Variants in NRG3 observed in about 807,000 individuals in gnomAD.
NRG3 encodes the protein pro-neuregulin-3, membrane-bound isoform.
Under a neutral mutation model 66.9 loss-of-function variants are expected in NRG3, and 31 were observed. The ratio of observed to expected loss-of-function variants is 0.46; its 90% CI spans 0.35 to 0.63. The LOEUF (loss-of-function observed/expected upper bound fraction) is 0.63, where lower values mean the gene tolerates loss of function less well. Among genes scored for constraint, NRG3 ranks in the 20% least tolerant of loss-of-function variants. The pLI is 0.00. For missense variants in NRG3, 910 were observed against 878.9 expected (o/e 1.04, Z -0.45); for synonymous variants, 393 against 359.4 (o/e 1.09, Z -1.06).
chr10:82,000,894 T>A (rs1420077273), intron 1 of NRG3, among the ~76,000 whole-genome samples: 1 of 152,224 alleles, frequency 6.6e-6, no homozygotes, highest in Non-Finnish European at 1.5e-5. Context: ...GTTGCTATTC[T>A]GGGTTTGTTT....
intron 4 of NRG3, among the ~76,000 whole-genome samples, chr10:82,896,307 T>C (rs937463070): frequency 4.6e-5 from 7 of 152,202 alleles, no homozygotes; most frequent in African/African-American, 1.7e-4. Flanking sequence ...CTGGAAGTTA[T>C]GAAGCACATG....
At chr10:82,476,161 C>T (rs933103272) in intron 2 of NRG3, among the ~76,000 whole-genome samples, 7 of 152,018 alleles carry the variant, frequency 4.6e-5, no homozygotes, top group African/African-American at 1.7e-4. Flanking sequence ...ATGAGGATGG[C>T]TAATATGAAA....
rs1185289494 is a variant in NRG3 at position 82,373,015 on chromosome 10, A to T, written c.953+14147A>T. 3.9e-5 allele frequency among the ~76,000 whole-genome samples: 6 copies of T among 152,202 alleles called. No homozygotes were observed. The East Asian group carries it at 1.2e-3, about 29-fold the overall frequency. On this transcript the variant is annotated intron_variant, in intron 2 of 8. Coordinates refer to ENST00000372141, the MANE Select transcript of NRG3 (RefSeq NM_001010848.4). ...ATTGTTGAATAATGAAACTTTAGGG[A>T]TACTTACTGGCACATTCAAGTGAAA...
intron 2 of NRG3, among the ~76,000 whole-genome samples, chr10:82,488,841 A>T (rs1842885748): frequency 6.6e-6 from 1 of 152,196 alleles, no homozygotes; most frequent in Non-Finnish European, 1.5e-5. Context: ...TCTTCATACC[A>T]TAGGGTCTCA....
intron 1 of NRG3, among the ~76,000 whole-genome samples, chr10:82,016,223 T>C (rs949389076): frequency 6.6e-6 from 1 of 151,952 alleles, no homozygotes; most frequent in African/African-American, 2.4e-5. Flanking sequence ...TATAATCAAG[T>C]GTATTTTTAA....
rs61261285 is a variant in NRG3 at position 82,442,784 on chromosome 10, A to ATTTT, written c.953+83944_953+83947dup. 3.2e-3 allele frequency among the ~76,000 whole-genome samples: 172 copies of ATTTT among 54,270 alleles called. 26 individuals are homozygous for ATTTT. Among genetic ancestry groups the ATTTT allele is most frequent in the African/African-American group, 0.013 (143 of 11,004 alleles). 35.6% of individuals were successfully genotyped at this position (54,270 alleles called of 152,430 possible). A position where few individuals can be genotyped will look rare whatever the true frequency, so the allele number is the denominator to read the frequency against. On this transcript the variant is annotated intron_variant, in intron 2 of 8. Transcript: ENST00000372141. ...CACCAAAGATCTTATTTCTGTGTGGATTTTTTTTTTTTTTTTTTTTTTTTT... is the reference window on the plus strand; with the variant it reads ...CACCAAAGATCTTATTTCTGTGTGGATTTTTTTTTTTTTTTTTTTTTTTTTTTTT...
At chr10:82,158,290 A>C (rs1440988724) in intron 1 of NRG3, among the ~76,000 whole-genome samples, 1 of 151,740 alleles carries the variant, frequency 6.6e-6, no homozygotes, top group Middle Eastern at 3.2e-3. Context: ...CAGTTAAACA[A>C]GTGAATATTT....
chr10:81,978,889 T>A (rs921765860), intron 1 of NRG3, among the ~76,000 whole-genome samples: 2 of 152,056 alleles, frequency 1.3e-5, no homozygotes, highest in Admixed American at 6.5e-5. Flanking sequence ...CTAGCCATAA[T>A]GTATTTTTAA....
At chr10:82,000,100 A>G (rs1343059960) in intron 1 of NRG3, among the ~76,000 whole-genome samples, 1 of 152,208 alleles carries the variant, frequency 6.6e-6, no homozygotes, top group African/African-American at 2.4e-5. Context: ...TTAGTTCCTA[A>G]TGAGCTAAGT....
intron 3 of NRG3, among the ~76,000 whole-genome samples, chr10:82,805,949 AT>A (rs1249650597): frequency 1.3e-5 from 2 of 152,152 alleles, no homozygotes; most frequent in African/African-American, 4.8e-5. Context: ...TTATTTTCAA[AT>A]TTTTCTGTCA....
chr10:82,130,262 T>G (rs994972909), intron 1 of NRG3, among the ~76,000 whole-genome samples: 2 of 152,084 alleles, frequency 1.3e-5, no homozygotes, highest in East Asian at 3.9e-4. Context: ...CTAGGGTACA[T>G]GTATGTGCAT....
intron 1 of NRG3, among the ~76,000 whole-genome samples, chr10:82,251,177 C>T (rs1201152116): frequency 6.6e-6 from 1 of 152,138 alleles, no homozygotes; most frequent in Non-Finnish European, 1.5e-5. Context: ...CCCCCTGGCA[C>T]TTAAAGCTTC....
chr10:82,551,044 C>T (rs982278467), intron 2 of NRG3, among the ~76,000 whole-genome samples: 13 of 151,910 alleles, frequency 8.6e-5, no homozygotes, highest in Admixed American at 2.6e-4. Context: ...TTCTCATTAA[C>T]GATTCATTAA....
chr10:81,912,644 C>A (rs1845277697), intron 1 of NRG3, among the ~76,000 whole-genome samples: 1 of 152,102 alleles, frequency 6.6e-6, no homozygotes, highest in Non-Finnish European at 1.5e-5. Flanking sequence ...CCAGAGAAAT[C>A]CTTTTTGGTG....
In NRG3 at chr10:81,921,156, A is replaced by G. The variant is rs531283911; in HGVS notation, c.823+44993A>G. On this transcript the variant is annotated intron_variant, in intron 1 of 8. Transcript: ENST00000372141. ...CCAATACTGAGGCTTGTTATAATAA[A>G]TAAATAAATAAACAAATAAAAGCCT... Among the ~76,000 whole-genome samples, 4 of 152,170 alleles carry G rather than the reference A, an allele frequency of 2.6e-5. 1 individual carries two copies. The South Asian group carries it at 8.3e-4, about 32-fold the overall frequency.
intron 2 of NRG3, among the ~76,000 whole-genome samples, chr10:82,398,526 T>TGTGAGA (rs373924370): frequency 1.0e-4 from 14 of 136,584 alleles, no homozygotes; most frequent in African/African-American, 3.5e-4. Context: ...TGTGTGTGTG[T>TGTGAGA]GAGAGAGAGA....
intron 1 of NRG3, among the ~76,000 whole-genome samples, chr10:82,061,069 G>A (rs2064115124): frequency 6.6e-6 from 1 of 152,154 alleles, no homozygotes; most frequent in South Asian, 2.1e-4. Context: ...ATGTAGGTAT[G>A]TGATAATCTT....
intron 2 of NRG3, among the ~76,000 whole-genome samples, chr10:82,499,487 T>A (rs1843948674): frequency 6.6e-6 from 1 of 152,132 alleles, no homozygotes; most frequent in Admixed American, 6.6e-5. Flanking sequence ...GGGCTTACCA[T>A]ATACAGATGA....
chr10:82,958,223 C>T (rs551553132), intron 5 of NRG3, among the ~76,000 whole-genome samples: 8 of 152,302 alleles, frequency 5.3e-5, no homozygotes, highest in Admixed American at 1.3e-4. Flanking sequence ...GAGATCCAAT[C>T]GCTGCCACTC....
Sources: gnomAD v4.1 joint callset for allele counts (sites outside exome capture counted in the v4.1 genomes callset) on GRCh38, gnomAD v4.1.1 for gene constraint, MANE v1.5 for transcripts, NCBI Gene and HGNC (gene_info 2026-07-23, HGNC 2026-07-21) for gene names.